KCNQ3: variants seen among roughly 807,000 people sequenced by gnomAD.
KCNQ3 encodes potassium voltage-gated channel subfamily Q member 3, also known as potassium voltage-gated channel subfamily KQT member 3.
A neutral mutation model predicts 92.5 loss-of-function variants in KCNQ3; 30 were observed. The observed-to-expected ratio is 0.32, with a 90% CI of 0.24 to 0.44. KCNQ3 has a LOEUF of 0.44. Ranked by LOEUF, KCNQ3 falls within the 20% of genes least tolerant of loss-of-function variation. The pLI is 1.00. For missense variants in KCNQ3, 913 were observed against 1,140.3 expected, an observed-to-expected ratio of 0.80 and a Z score of 2.87; for synonymous variants, 450 against 468.8, an observed-to-expected ratio of 0.96 and a Z score of 0.52.
chr8:132,470,951 T>C (rs1046958880), intron 1 of KCNQ3, among the ~76,000 whole-genome samples: 2 of 152,222 alleles, frequency 1.3e-5, no homozygotes, highest in African/African-American at 4.8e-5. Context: ...GCAGGTATGT[T>C]GTACATTTCC....
intron 1 of KCNQ3, among the ~76,000 whole-genome samples, chr8:132,475,262 C>T (rs576012545): frequency 2.6e-5 from 4 of 152,120 alleles, no homozygotes; most frequent in African/African-American, 9.7e-5. Flanking sequence ...TTGGGGCACT[C>T]CCATAAAGAT....
At chr8:132,354,798 C>T (rs1418387998) in intron 1 of KCNQ3, among the ~76,000 whole-genome samples, 1 of 152,250 alleles carries the variant, frequency 6.6e-6, no homozygotes, top group Non-Finnish European at 1.5e-5. Flanking sequence ...TGGCCAGTCT[C>T]ATTTCCTGTA....
Position 132,129,089 on chromosome 8 carries a change from G to T in KCNQ3, c.*173C>A. On this transcript the variant is annotated 3_prime_UTR_variant, in exon 15 of 15. Coordinates refer to ENST00000388996, the MANE Select transcript of KCNQ3 (RefSeq NM_004519.4). This position sits in a 1 kb window ranked among gnomAD's most constrained non-coding sequence, Gnocchi z 5.9. ...GCTGAAAAGGAAGCACTTTGTTGTG[G>T]TGACATGGGGAGGAAGAGGCTGTGG... is the stretch of plus-strand genomic sequence containing the variant. 1.5e-6 allele frequency: 1 copy of T among 667,772 alleles called. No individual in the cohort carries two copies. The highest frequency in any genetic ancestry group is 2.6e-6 in the Non-Finnish European group (1 of 388,902). The allele number at this position is 667,772 out of a possible 1,614,324, so 41.4% of individuals were successfully genotyped here.
chr8:132,421,302 C>T (rs747485133), intron 1 of KCNQ3, among the ~76,000 whole-genome samples: 29 of 152,242 alleles, frequency 1.9e-4, no homozygotes, highest in South Asian at 4.1e-4. Context: ...CCCAAGAAAA[C>T]GTCTAGGAAA....
At chr8:132,254,231 A>G (rs1815505695) in intron 1 of KCNQ3, among the ~76,000 whole-genome samples, 1 of 152,232 alleles carries the variant, frequency 6.6e-6, no homozygotes, top group African/African-American at 2.4e-5. Context: ...AACGAGCAGG[A>G]AAGTGCATGT....
At chr8:132,448,210 G>T (rs748074909) in intron 1 of KCNQ3, among the ~76,000 whole-genome samples, 6 of 152,092 alleles carry the variant, frequency 3.9e-5, no homozygotes, top group Non-Finnish European at 8.8e-5. Flanking sequence ...GGGGAATAAG[G>T]GTTCTGCAGT....
intron 13 of KCNQ3, 69 bp downstream of exon 13, chr8:132,134,221 G>T: frequency 8.9e-7 from 1 of 1,124,694 alleles, no homozygotes; most frequent in Non-Finnish European, 1.4e-6. Context: ...CCCCAGCAGA[G>T]GTTTGGGGGT....
At chr8:132,409,760 A>T (rs549942876) in intron 1 of KCNQ3, among the ~76,000 whole-genome samples, 14 of 152,290 alleles carry the variant, frequency 9.2e-5, no homozygotes, top group African/African-American at 3.4e-4. Context: ...GCATATTGAA[A>T]TGGAGGAGAA....
chr8:132,266,367 A>G (rs1171208882), intron 1 of KCNQ3, among the ~76,000 whole-genome samples: 1 of 152,228 alleles, frequency 6.6e-6, no homozygotes, highest in Non-Finnish European at 1.5e-5. Context: ...GCTAGGAGCC[A>G]AGAGCACATC....
intron 1 of KCNQ3, among the ~76,000 whole-genome samples, chr8:132,218,120 G>A (rs371259419): frequency 6.6e-6 from 1 of 152,250 alleles, no homozygotes; most frequent in African/African-American, 2.4e-5. Flanking sequence ...AATGACCATG[G>A]TCCTTGCCTG....
Position 132,141,308 on chromosome 8 carries a change from C to A in KCNQ3, c.1286G>T (p.Arg429Leu). 6.2e-7 allele frequency: 1 copy of A among 1,614,086 alleles called. No individual in the cohort carries two copies. The highest frequency in any genetic ancestry group is 8.5e-7 in the Non-Finnish European group (1 of 1,180,018). Reference protein sequence around the residue: ...ASSQKLGLLDRVRLSNPRGSN... With the variant: ...ASSQKLGLLDLVRLSNPRGSN... ...ACCACGAGGATTAGAAAGGCGAACC[C>A]GATCCAAGAGACCCAGCTTTTGGCT... The change falls in exon 10 of 15, where the codon CGG (arginine) becomes CTG (leucine). Residue 429 changes from arginine (R) to leucine (L), a missense_variant. Around this residue, in one of 6 missense-constraint regions of KCNQ3, gnomAD observed 182 missense variants for 234.5 expected, o/e 0.78. Coordinates refer to ENST00000388996, the MANE Select transcript of KCNQ3 (RefSeq NM_004519.4).
chr8:132,163,562 G>A, intron 8 of KCNQ3, 68 bp from the exon 9 acceptor site: 1 of 1,284,718 alleles, frequency 7.8e-7, no homozygotes, highest in South Asian at 1.2e-5. Context: ...TTCCTCGAAA[G>A]ATTGCTGCAA....
At chr8:132,213,462 G>T (rs1813928465) in intron 1 of KCNQ3, among the ~76,000 whole-genome samples, 1 of 152,172 alleles carries the variant, frequency 6.6e-6, no homozygotes, top group Admixed American at 6.5e-5. Context: ...TTCCCAGTTT[G>T]GCAGGACAGG....
At chr8:132,172,814 C>T (rs1219672995) in intron 6 of KCNQ3, 121 bp from the exon 7 acceptor site, 1 of 745,926 alleles carries the variant, frequency 1.3e-6, no homozygotes, top group East Asian at 2.5e-5. Flanking sequence ...GCAGTGACAA[C>T]ACTGTACAAA....
intron 1 of KCNQ3, among the ~76,000 whole-genome samples, chr8:132,388,830 C>T (rs1819971065): frequency 6.6e-6 from 1 of 152,186 alleles, no homozygotes; most frequent in South Asian, 2.1e-4. Flanking sequence ...TTTTATACTT[C>T]TACCCAAGTG....
At chr8:132,186,962 G>GAGAGAGAC (rs1826986891) in intron 1 of KCNQ3, among the ~76,000 whole-genome samples, 3 of 137,640 alleles carry the variant, frequency 2.2e-5, no homozygotes, top group Non-Finnish European at 3.2e-5. Context: ...GAGACAGAGA[G>GAGAGAGAC]AGAGAGAGAG....
chr8:132,452,624 A>C (rs1013980052), intron 1 of KCNQ3, among the ~76,000 whole-genome samples: 4 of 152,174 alleles, frequency 2.6e-5, no homozygotes, highest in Non-Finnish European at 5.9e-5. Context: ...GAACCACAGA[A>C]GAGTCCATTC....
At chr8:132,421,069 A>G in intron 1 of KCNQ3, among the ~76,000 whole-genome samples, 1 of 152,196 alleles carries the variant, frequency 6.6e-6, no homozygotes, top group African/African-American at 2.4e-5. Flanking sequence ...GGCAGAGGTG[A>G]ATGTTTAAAC....
At chr8:132,403,244 T>C (rs1337410934) in intron 1 of KCNQ3, among the ~76,000 whole-genome samples, 1 of 258 alleles carries the variant, frequency 3.9e-3, no homozygotes, top group African/African-American at 0.031. Context: ...AATGAGGACT[T>C]GTCTCAAAAG....
Sources: allele counts gnomAD v4.1 joint callset (sites outside exome capture counted in the v4.1 genomes callset), GRCh38; gene constraint gnomAD v4.1.1; regional missense constraint gnomAD v4.1.1; non-coding constraint Gnocchi (gnomAD v3.1); transcripts MANE v1.5; gene names NCBI Gene and HGNC (gene_info 2026-07-23, HGNC 2026-07-21).